The following CHD7 variants were observed in gnomAD, a reference collection of about 807,000 sequenced individuals.
CHD7 encodes chromodomain helicase DNA binding protein 7.
CHD7 carries 24 observed loss-of-function variants against 307.3 expected under a neutral mutation model. The observed-to-expected ratio is 0.08, with a 90% CI of 0.06 to 0.11. The LOEUF is 0.11. Among genes scored for constraint, CHD7 ranks in the 10% least tolerant of loss-of-function variants. The pLI is 1.00. For missense variants in CHD7, 3,106 were observed against 3,727.1 expected (o/e 0.83, Z 4.34); for synonymous variants, 1,363 against 1,349.9 (o/e 1.01, Z -0.21).
chr8:60,766,207 G>C (rs1177080896), intron 2 of CHD7, among the ~76,000 whole-genome samples: 1 of 152,238 alleles, frequency 6.6e-6, no homozygotes, highest in Non-Finnish European at 1.5e-5. Flanking sequence ...TGAGGGCAGA[G>C]ACAGCCTGTG....
Position 60,747,239 on chromosome 8 carries a change from C to CTT in CHD7, c.1665+4151_1665+4152dup, listed in dbSNP as rs113186284. Reference sequence around the variant, plus strand: ...TACAGGCACCCGCCACCACGCCCAGCTTTTTTTTTTGTATTTTTAGTAGAG... The same window carrying CTT: ...TACAGGCACCCGCCACCACGCCCAGCTTTTTTTTTTTTGTATTTTTAGTAGAG... On this transcript the variant is annotated intron_variant, in intron 2 of 37. Coordinates refer to ENST00000423902, the MANE Select transcript of CHD7 (RefSeq NM_017780.4). Among the ~76,000 whole-genome samples the CTT allele has an allele frequency of 7.6e-3, 1,124 of 147,500 alleles. 19 individuals carry two copies. Among genetic ancestry groups the CTT allele is most frequent in the African/African-American group, 0.026 (1,044 of 40,376 alleles).
In CHD7 at chr8:60,693,183, C is replaced by T. The variant is rs571161720; in HGVS notation, c.-175+14101C>T. On this transcript the variant is annotated intron_variant, in intron 1 of 37. Transcript: ENST00000423902. ...GTTCCCTCCACTATGTTGTGCCCTC[C>T]GCGACACCCCCTTGGCGGTCAGAGC... Among the ~76,000 whole-genome samples, 24 of 152,314 alleles carry T rather than the reference C, an allele frequency of 1.6e-4. No homozygotes were observed. In the South Asian group the frequency reaches 3.1e-3, roughly 20 times the overall value.
chr8:60,758,649 C>T (rs1258745609), intron 2 of CHD7, among the ~76,000 whole-genome samples: 1 of 152,178 alleles, frequency 6.6e-6, no homozygotes, highest in East Asian at 1.9e-4. Flanking sequence ...GTCTGAATAT[C>T]TGTGGCTTGT....
intron 1 of CHD7, among the ~76,000 whole-genome samples, chr8:60,738,368 A>G (rs1436951555): frequency 2.0e-5 from 3 of 152,350 alleles, no homozygotes; most frequent in African/African-American, 7.2e-5. Context: ...TTGGTCTACT[A>G]TTAAAATGTA....
At chr8:60,733,734 A>G (rs1172832057) in intron 1 of CHD7, among the ~76,000 whole-genome samples, 8 of 152,218 alleles carry the variant, frequency 5.3e-5, no homozygotes, top group Non-Finnish European at 7.3e-5. Context: ...TTGCCTTGAA[A>G]GGAAACGTTA....
At chr8:60,863,765 G>T (rs1806119777) in intron 37 of CHD7, 2 of 140,954 alleles carry the variant, frequency 1.4e-5, no homozygotes, top group African/African-American at 2.6e-5. Context: ...TTGAGACAAG[G>T]TGTTTGTCAC....
rs1416622951 is a variant in CHD7, at chr8:60,853,405, C to G, written c.6680C>G (p.Thr2227Ser). 2.0e-6 allele frequency: 3 copies of G among 1,530,088 alleles called. No homozygotes were observed. The East Asian group carries it at 6.8e-5, about 35-fold the overall frequency. The allele number at this position is 1,530,088 out of a possible 1,614,324, so 94.8% of individuals were successfully genotyped here. The change falls in exon 31 of 38, where the codon ACT becomes AGT. Residue 2227 changes from threonine (T) to serine (S), a missense_variant. Around this residue, in one of 10 missense-constraint regions of CHD7, gnomAD observed 1,030 missense variants for 1,165.4 expected, o/e 0.88. Coordinates refer to ENST00000423902, the MANE Select transcript of CHD7 (RefSeq NM_017780.4). ...ELKGVEVGAD[T>S]GSKSISEKGS... ...AAAGGTGTTGAGGTCGGCGCAGACA[C>G]TGGGTCCAAATCTATTTCAGAGAAA...
chr8:60,719,884 A>C (rs1040440207), intron 1 of CHD7, among the ~76,000 whole-genome samples: 1 of 152,254 alleles, frequency 6.6e-6, no homozygotes, highest in Admixed American at 6.5e-5. Context: ...AAGGCAAAAA[A>C]ATCATAATAA....
chr8:60,852,155 A>G lies in CHD7; in HGVS notation c.5802A>G (p.Leu1934=). The G allele has an allele frequency of 1.2e-6, 2 of 1,613,984 alleles. No homozygotes were observed. The highest frequency in any genetic ancestry group is 1.7e-6 in the Non-Finnish European group (2 of 1,179,882). ...YKRQQMRQEA[L]MKTDRRRRRP... ...GGCAACAGATGAGGCAAGAGGCCCT[A>G]ATGAAGACTGACCGGCGCAGACGGC... The change falls in exon 29 of 38, where the codon CTA becomes CTG. Residue 1934 remains leucine, a synonymous_variant. Transcript: ENST00000423902.
chr8:60,740,527 C>T (rs201753552), intron 1 of CHD7, among the ~76,000 whole-genome samples: 9 of 152,106 alleles, frequency 5.9e-5, no homozygotes, highest in East Asian at 5.8e-4. Flanking sequence ...TGAAATTGGT[C>T]GTCTTGGACA....
At chr8:60,748,366 TTGCTGGAATG>T (rs1399129558) in intron 2 of CHD7, among the ~76,000 whole-genome samples, 4 of 152,084 alleles carry the variant, frequency 2.6e-5, no homozygotes, top group African/African-American at 9.7e-5. Context: ...GTCCCTAGTA[TTGCTGGAATG>T]TAGGTCTGGG....
At chr8:60,765,837 T>C (rs970275201) in intron 2 of CHD7, among the ~76,000 whole-genome samples, 1 of 152,290 alleles carries the variant, frequency 6.6e-6, no homozygotes, top group South Asian at 2.1e-4. Flanking sequence ...CCAGAAGATT[T>C]GCTGACGAAG....
In CHD7 at chr8:60,842,912, C is replaced by T. The variant is rs575968464; in HGVS notation, c.4850+860C>T. On this transcript the variant is annotated intron_variant, in intron 21 of 37. Transcript: ENST00000423902. ...CGGCTTCATCTCCTTCAGTGCGCCACGCTCCATCTCATCTGTGTCTTTGCA... is the reference window on the plus strand; with the variant it reads ...CGGCTTCATCTCCTTCAGTGCGCCATGCTCCATCTCATCTGTGTCTTTGCA... Among the ~76,000 whole-genome samples the T allele has an allele frequency of 1.4e-4, 22 of 152,284 alleles. No homozygotes were observed. The South Asian group carries it at 2.3e-3, about 16-fold the overall frequency.
chr8:60,824,134 T>C, intron 13 of CHD7, 118 bp downstream of exon 13: 1 of 893,932 alleles, frequency 1.1e-6, no homozygotes. Context: ...TCAAATATTG[T>C]GATATATTCT....
chr8:60,845,934 A>G lies in CHD7; in HGVS notation c.5210+525A>G, dbSNP rs117192683. Among the ~76,000 whole-genome samples, 523 of 152,280 alleles carry G rather than the reference A, an allele frequency of 3.4e-3. 14 individuals carry two copies. In the East Asian group the frequency reaches 0.066, roughly 19 times the overall value. ...ACTTTCTGTTTCTATTAGTTTGTCT[A>G]TTCTGTGTATCTCCTAGGGGAATCA... On this transcript the variant is annotated intron_variant, in intron 23 of 37. Transcript: ENST00000423902.
chr8:60,705,922 A>G (rs1472182617), intron 1 of CHD7, among the ~76,000 whole-genome samples: 1 of 152,208 alleles, frequency 6.6e-6, no homozygotes. Flanking sequence ...AATAATCCAT[A>G]TAGAAAAGGT....
chr8:60,698,771 T>A (rs191471318), intron 1 of CHD7, among the ~76,000 whole-genome samples: 266 of 152,310 alleles, frequency 1.7e-3, no homozygotes, highest in African/African-American at 5.9e-3. Context: ...ACTTGACTTT[T>A]CTTCTCTTCT....
intron 9 of CHD7, among the ~76,000 whole-genome samples, 152 bp downstream of exon 9, chr8:60,820,242 A>T (rs934417638): frequency 6.6e-6 from 1 of 152,152 alleles, no homozygotes; most frequent in East Asian, 1.9e-4. Flanking sequence ...ATGATTTATT[A>T]TTAGTTTTAT....
intron 3 of CHD7, among the ~76,000 whole-genome samples, chr8:60,787,164 T>C (rs1269737714): frequency 6.6e-6 from 1 of 152,108 alleles, no homozygotes; most frequent in Non-Finnish European, 1.5e-5. Flanking sequence ...TTGGGGTGGA[T>C]GGTGATATTT....
Sources: allele counts gnomAD v4.1 joint callset (sites outside exome capture counted in the v4.1 genomes callset), GRCh38; gene constraint gnomAD v4.1.1; regional missense constraint gnomAD v4.1.1; transcripts MANE v1.5; gene names NCBI Gene and HGNC (gene_info 2026-07-23, HGNC 2026-07-21).